The following WNK1 variants were observed in gnomAD, a reference collection of about 807,000 sequenced individuals.
WNK1 encodes the protein serine/threonine-protein kinase WNK1.
Under a neutral mutation model 222.8 loss-of-function variants are expected in WNK1, and 38 were observed. That is an observed-to-expected ratio of 0.17 (90% confidence interval 0.13 to 0.22). The LOEUF (loss-of-function observed/expected upper bound fraction) is 0.22. WNK1 is among the 10% of genes least tolerant of loss of function. The pLI, the probability that WNK1 is intolerant of heterozygous loss-of-function variation, is 1.00. For synonymous variants in WNK1, 1,090 were observed against 1,092.9 expected (o/e 1.00, Z 0.05); for missense variants, 2,348 against 2,918.4 (o/e 0.80, Z 4.50).
At chr12:868,378 A>G in intron 8 of WNK1, 1 of 1,613,938 alleles carries the variant, frequency 6.2e-7, no homozygotes, top group East Asian at 2.2e-5. Context: ...AGATACCTGA[A>G]CAGAAGCCAG....
intron 1 of WNK1, among the ~76,000 whole-genome samples, chr12:786,275 C>T (rs959934839): frequency 2.0e-5 from 3 of 152,150 alleles, no homozygotes; most frequent in Admixed American, 6.5e-5. Flanking sequence ...GTATTTCTAA[C>T]AGTTTTTATG....
At chr12:793,719 G>T (rs1389329996) in intron 1 of WNK1, among the ~76,000 whole-genome samples, 1 of 152,094 alleles carries the variant, frequency 6.6e-6, no homozygotes, top group African/African-American at 2.4e-5. Context: ...TATGATGATA[G>T]TTTGCATTAT....
At chr12:883,678 A>G in intron 16 of WNK1, 96 bp from the exon 17 acceptor site, 1 of 1,597,606 alleles carries the variant, frequency 6.3e-7, no homozygotes, top group Non-Finnish European at 8.6e-7. Context: ...ATGACCGACA[A>G]CAAACTTTTA....
At chr12:892,976 C>T (rs553649748) in intron 22 of WNK1, among the ~76,000 whole-genome samples, 9 of 152,208 alleles carry the variant, frequency 5.9e-5, no homozygotes, top group Non-Finnish European at 7.4e-5. Flanking sequence ...AATTCTGGGC[C>T]GGGCATGGTG....
intron 8 of WNK1, among the ~76,000 whole-genome samples, chr12:870,100 A>G (rs1190628818): frequency 2.0e-5 from 3 of 152,206 alleles, no homozygotes; most frequent in African/African-American, 7.2e-5. Flanking sequence ...GATATCCTAC[A>G]TAAAGTACTA....
chr12:866,657 G>A (rs907574060), intron 8 of WNK1, among the ~76,000 whole-genome samples: 1 of 152,148 alleles, frequency 6.6e-6, no homozygotes, highest in Non-Finnish European at 1.5e-5. Flanking sequence ...ACCGCGCCCA[G>A]CGGGTAATGA....
chr12:887,397 A>G (rs1953768285), intron 20 of WNK1, 93 bp downstream of exon 20: 5 of 1,290,990 alleles, frequency 3.9e-6, no homozygotes, highest in Admixed American at 3.4e-5. Context: ...GCTTTTGCCT[A>G]TTTGTCTTTG....
At chr12:866,335 T>C (rs191965025) in intron 8 of WNK1, among the ~76,000 whole-genome samples, 76 of 152,330 alleles carry the variant, frequency 5.0e-4, no homozygotes, top group Non-Finnish European at 9.4e-4. Flanking sequence ...CGGGGGAGGC[T>C]GTGATAGTGA....
Position 881,677 on chromosome 12 carries a change from C to T in WNK1, c.3112-15C>T. 2 of 1,601,846 alleles carry T rather than the reference C, an allele frequency of 1.2e-6. No homozygotes were observed. Among genetic ancestry groups the T allele is most frequent in the Non-Finnish European group, 1.7e-6 (2 of 1,168,914 alleles). ...CTATTACTACCGAGATTTGAGTTAT[C>T]TTTTCGATTCACAGAGTACTCAGGG... On this transcript the variant is annotated splice_polypyrimidine_tract_variant and intron_variant, in intron 12 of 27. Coordinates refer to ENST00000315939, the MANE Select transcript of WNK1 (RefSeq NM_018979.4).
In WNK1 at chr12:796,802, C is replaced by T. The variant is rs1210084643; in HGVS notation, c.760-16840C>T. 3.3e-5 allele frequency among the ~76,000 whole-genome samples: 5 copies of T among 152,244 alleles called. No homozygotes were observed. The South Asian group carries it at 1.0e-3, about 32-fold the overall frequency. ...CATCTTGATTCTCCCTCATCTGTAC[C>T]AATATATCAACCAAAAATGATCTTC... On this transcript the variant is annotated intron_variant, in intron 1 of 27. Coordinates refer to ENST00000315939, the MANE Select transcript of WNK1 (RefSeq NM_018979.4).
rs1953513491 is a variant in WNK1 at position 884,883 on chromosome 12, G to C, written c.4079G>C (p.Ser1360Thr). The change falls in exon 19 of 28, where the codon AGC (serine) becomes ACC (threonine). Residue 1360 changes from serine (S) to threonine (T), a missense_variant. Around this residue, in one of 13 missense-constraint regions of WNK1, gnomAD observed 1,144 missense variants for 1,273.6 expected, o/e 0.90. Coordinates refer to ENST00000315939, the MANE Select transcript of WNK1 (RefSeq NM_018979.4). The surrounding 1 kb of genome is among the most constrained non-coding windows in gnomAD (Gnocchi z 5.6). ...GCCACAGCACCAGTCCCTGCAACAA[G>C]CAGCCCTCCTAATGACATTTCCACA... ...AAATAPVPATSSPPNDISTSV... is the reference protein window; with the variant it reads ...AAATAPVPATTSPPNDISTSV... The C allele has an allele frequency of 6.2e-7, 1 of 1,614,128 alleles. No homozygotes were observed. The highest frequency in any genetic ancestry group is 8.5e-7 in the Non-Finnish European group (1 of 1,180,014).
intron 16 of WNK1, 101 bp downstream of exon 16, chr12:883,669 T>A: frequency 6.3e-7 from 1 of 1,594,060 alleles, no homozygotes; most frequent in Admixed American, 1.7e-5. Flanking sequence ...CTGACACCCA[T>A]GACCGACAAC....
chr12:762,413 A>G lies in WNK1; in HGVS notation c.759+8089A>G, dbSNP rs189897345. On this transcript the variant is annotated intron_variant, in intron 1 of 27. Coordinates refer to ENST00000315939, the MANE Select transcript of WNK1 (RefSeq NM_018979.4). ...CTAATACAATGTAAGTGCTATGTAA[A>G]TAGTTTTTATACTGTAGTGTTTTAA... Among the ~76,000 whole-genome samples the G allele has an allele frequency of 4.9e-4, 72 of 147,744 alleles. 11 individuals carry two copies. Among genetic ancestry groups the G allele is most frequent in the Non-Finnish European group, 1.0e-3 (66 of 66,128 alleles).
At chr12:868,479 C>G (rs540229479) in intron 8 of WNK1, 2 of 1,613,972 alleles carry the variant, frequency 1.2e-6, no homozygotes, top group African/African-American at 1.3e-5. Flanking sequence ...AGATTAGATT[C>G]TGGATTGGGT....
chr12:765,936 C>G (rs1941641798), intron 1 of WNK1, among the ~76,000 whole-genome samples: 1 of 152,046 alleles, frequency 6.6e-6, no homozygotes, highest in Non-Finnish European at 1.5e-5. Context: ...GGAAACTGTA[C>G]AAAGGATGTT....
chr12:790,935 A>C (rs1043536752), intron 1 of WNK1, among the ~76,000 whole-genome samples: 4 of 152,182 alleles, frequency 2.6e-5, no homozygotes, highest in African/African-American at 9.6e-5. Context: ...TGATTTGACT[A>C]GAAAAGCTAG....
rs1948416824 is a variant in WNK1, at chr12:827,074, A to G, written c.965A>G (p.Lys322Arg). The change falls in exon 3 of 28, where the codon AAA (lysine) becomes AGA (arginine). Residue 322 changes from lysine to arginine, a missense_variant. Transcript: ENST00000315939. This position sits in a 1 kb window ranked among gnomAD's most constrained non-coding sequence, Gnocchi z 4.6. ...AAAAGGTTTAAAGTGATGAAGATCA[A>G]AGTTCTAAGAAGCTGGTGCCGTCAG... ...YLKRFKVMKI[K>R]VLRSWCRQIL... 6.2e-7 allele frequency: 1 copy of G among 1,613,896 alleles called. No homozygotes were observed. Among genetic ancestry groups the G allele is most frequent in the Non-Finnish European group, 8.5e-7 (1 of 1,180,030 alleles).
chr12:809,882 C>A (rs894014996), intron 1 of WNK1, among the ~76,000 whole-genome samples: 4 of 152,162 alleles, frequency 2.6e-5, no homozygotes, highest in Admixed American at 2.0e-4. Flanking sequence ...ATGTTACAAA[C>A]TGCTGTACCC....
At chr12:807,805 C>T (rs529913935) in intron 1 of WNK1, among the ~76,000 whole-genome samples, 1 of 150,218 alleles carries the variant, frequency 6.7e-6, no homozygotes, top group Non-Finnish European at 1.5e-5. Context: ...CTGCAAGCTC[C>T]GCCTCCCGGG....
Sources: gnomAD v4.1 joint callset for allele counts (sites outside exome capture counted in the v4.1 genomes callset) on GRCh38, gnomAD v4.1.1 for gene constraint, gnomAD v4.1.1 regional missense constraint, Gnocchi (gnomAD v3.1) non-coding constraint, MANE v1.5 for transcripts, NCBI Gene and HGNC (gene_info 2026-07-23, HGNC 2026-07-21) for gene names.